Variants in MLXIP observed in about 807,000 individuals in gnomAD.
MLXIP encodes MLX-interacting protein.
MLXIP carries 30 observed loss-of-function variants against 87.2 expected under a neutral mutation model. The observed-to-expected ratio is 0.34, with a 90% CI of 0.26 to 0.47. The LOEUF (loss-of-function observed/expected upper bound fraction) is 0.47, where lower values mean the gene tolerates loss of function less well. MLXIP is among the 20% of genes least tolerant of loss of function. The probability of loss-of-function intolerance (pLI) is 1.00; values close to 1 mark genes in which losing one functional copy is unlikely to be tolerated. For synonymous variants in MLXIP, 530 were observed against 514.0 expected, an observed-to-expected ratio of 1.03 and a Z score of -0.42; for missense variants, 1,002 against 1,240.1, an observed-to-expected ratio of 0.81 and a Z score of 2.88.
In MLXIP at chr12:122,078,781, C is replaced by T. The variant is rs1363007493; in HGVS notation, c.-73C>T. On this transcript the variant is annotated 5_prime_UTR_variant, in exon 1 of 17. Transcript: ENST00000319080. ...AGTCGGCGCGCGGGCCGGGCCGGGC[C>T]GGCGCCCCTCTGCCTCGCGCGCTTG... 4.9e-6 allele frequency: 5 copies of T among 1,020,758 alleles called. No homozygotes were observed. In the African/African-American group the frequency reaches 5.2e-5, roughly 11 times the overall value. 63.2% of individuals were successfully genotyped at this position (1,020,758 alleles called of 1,614,324 possible).
At position 122,144,389 on chromosome 12, in the gene MLXIP, C is replaced by G. The variant is rs1019346144; in HGVS notation, c.*2577C>G. The G allele has an allele frequency of 6.7e-6, 1 of 148,764 alleles. No individual in the cohort carries two copies. Among genetic ancestry groups the G allele is most frequent in the African/African-American group, 2.5e-5 (1 of 39,956 alleles). 9.2% of individuals were successfully genotyped at this position (148,764 alleles called of 1,614,324 possible). The stretch of plus-strand genomic sequence containing the variant: ...TTGAGCTCAGGAGTTGGAGACCAAC[C>G]CTGGCAACATAACAAGACCCTGTCT... On this transcript the variant is annotated 3_prime_UTR_variant, in exon 17 of 17. Coordinates refer to ENST00000319080, the MANE Select transcript of MLXIP (RefSeq NM_014938.6).
chr12:122,135,500 CCCGGAGTT>C lies in MLXIP; in HGVS notation c.1869_1876del (p.Glu624GlnfsTer102). The C allele has an allele frequency of 6.2e-7, 1 of 1,609,536 alleles. No individual in the cohort carries two copies. Among genetic ancestry groups the C allele is most frequent in the Non-Finnish European group, 8.5e-7 (1 of 1,178,430 alleles). ...CCATGTCACTGCAGGCTCCTGGGGT[CCCGGAGTT>C]CCACAGCAGCATCCTGGTGACAGAT... On this transcript the variant is annotated frameshift_variant, in exon 11 of 17. Coordinates refer to ENST00000319080, the MANE Select transcript of MLXIP (RefSeq NM_014938.6). LOFTEE classifies it high-confidence loss of function. The surrounding 1 kb of genome is among the most constrained non-coding windows in gnomAD (Gnocchi z 5.3).
At chr12:122,082,364 A>G (rs968205461) in intron 1 of MLXIP, among the ~76,000 whole-genome samples, 4 of 152,214 alleles carry the variant, frequency 2.6e-5, no homozygotes, top group African/African-American at 9.6e-5. Flanking sequence ...AATGATGGAA[A>G]AAATCCTTAT....
At chr12:122,079,441 C>G (rs1952060067) in intron 1 of MLXIP, among the ~76,000 whole-genome samples, 175 bp downstream of exon 1, 1 of 152,208 alleles carries the variant, frequency 6.6e-6, no homozygotes, top group Non-Finnish European at 1.5e-5. Flanking sequence ...GAGCCGGGGT[C>G]CTGGCCTCTT....
chr12:122,137,211 A>G lies in MLXIP; in HGVS notation c.2033-258A>G. 1 of 324,832 alleles carries G rather than the reference A, an allele frequency of 3.1e-6. No individual in the cohort carries two copies. Among genetic ancestry groups the G allele is most frequent in the African/African-American group, 2.1e-5 (1 of 47,164 alleles). The allele number at this position is 324,832 out of a possible 1,614,324, so 20.1% of individuals were successfully genotyped here. On this transcript the variant is annotated intron_variant, in intron 11 of 16. Coordinates refer to ENST00000319080, the MANE Select transcript of MLXIP (RefSeq NM_014938.6). The surrounding 1 kb of genome is among the most constrained non-coding windows in gnomAD (Gnocchi z 4.1). ...GCGAAATATCTCGTAAAGCGACACCAGTGACTGGAACACGTCACACAGGGT... is the reference window on the plus strand; with the variant it reads ...GCGAAATATCTCGTAAAGCGACACCGGTGACTGGAACACGTCACACAGGGT...
chr12:122,126,148 C>T (rs1271542052), intron 1 of MLXIP, among the ~76,000 whole-genome samples: 1 of 152,202 alleles, frequency 6.6e-6, no homozygotes. Flanking sequence ...AGAGATGGCT[C>T]CCGGCCTAGC....
At chr12:122,093,697 TGGGGTGTGTTGGTGTGG>T (rs1333200952) in intron 1 of MLXIP, among the ~76,000 whole-genome samples, 1,391 of 110,776 alleles carry the variant, frequency 0.013, 27 homozygotes, top group East Asian at 0.045. Context: ...TGTTGGTGTG[TGGGGTGTGTTGGTGTGG>T]GGGGTGTGTT....
At chr12:122,097,823 CTT>C (rs985826329) in intron 1 of MLXIP, among the ~76,000 whole-genome samples, 2 of 148,246 alleles carry the variant, frequency 1.3e-5, no homozygotes, top group Non-Finnish European at 3.0e-5. Flanking sequence ...CTCTGTTTCC[CTT>C]TAGTTTTGGA....
intron 1 of MLXIP, among the ~76,000 whole-genome samples, chr12:122,103,247 C>T (rs1952466473): frequency 6.6e-6 from 1 of 151,420 alleles, no homozygotes; most frequent in South Asian, 2.1e-4. Flanking sequence ...ATTTTTGAGG[C>T]AGAGTTTCAC....
chr12:122,079,265 A>T lies in MLXIP; in HGVS notation c.412A>T (p.Ser138Cys), dbSNP rs1261062106. ...CTTCGAGTGCATGACTTTGGCCTAC[A>T]GGTAGGGACCCCCGCGACCCCCTGA... ...KLFECMTLAY[S>C]GKLVSPKWKN... Residue 138 changes from serine (S) to cysteine (C), a missense_variant and splice_region_variant, in exon 1 of 17, where the codon AGT becomes TGT. By Grantham distance (112) the Ser-to-Cys change is moderately radical. Coordinates refer to ENST00000319080, the MANE Select transcript of MLXIP (RefSeq NM_014938.6). The T allele has an allele frequency of 6.5e-7, 1 of 1,549,464 alleles. No individual in the cohort carries two copies.
rs35318582 is a variant in MLXIP at position 122,115,588 on chromosome 12, C to CAAAAAA, written c.414-11656_414-11651dup. On this transcript the variant is annotated intron_variant, in intron 1 of 16. Transcript: ENST00000319080. ...GGGCAACAAGAGCGAAACTCCTTCT[C>CAAAAAA]AAAAAAAAAAAAAAAAAGACCAGTA... Among the ~76,000 whole-genome samples the CAAAAAA allele has an allele frequency of 6.3e-5, 7 of 110,698 alleles. 2 individuals are homozygous for CAAAAAA. The highest frequency in any genetic ancestry group is 1.3e-4 in the African/African-American group (3 of 23,854). 72.6% of individuals were successfully genotyped at this position (110,698 alleles called of 152,430 possible).
intron 1 of MLXIP, among the ~76,000 whole-genome samples, chr12:122,120,032 C>T (rs570316803): frequency 3.9e-5 from 6 of 152,354 alleles, no homozygotes; most frequent in East Asian, 1.9e-4. Context: ...CAGCGCTATT[C>T]GCTGTAGCCC....
intron 1 of MLXIP, among the ~76,000 whole-genome samples, chr12:122,079,858 T>C (rs114458363): frequency 0.026 from 3,927 of 152,300 alleles, 145 homozygotes; most frequent in African/African-American, 0.089. Context: ...TACAACCTCA[T>C]CGGGAGGCCC....
intron 5 of MLXIP, 21 bp from the exon 6 acceptor site, chr12:122,129,920 C>A: frequency 6.3e-7 from 1 of 1,597,376 alleles, no homozygotes; most frequent in Non-Finnish European, 8.6e-7. Flanking sequence ...TGCTTCCTCC[C>A]CTGTGTTGGT....
chr12:122,108,605 G>A (rs1952558278), intron 1 of MLXIP, among the ~76,000 whole-genome samples: 1 of 151,942 alleles, frequency 6.6e-6, no homozygotes, highest in Admixed American at 6.6e-5. Flanking sequence ...ATGCACGCTG[G>A]CCCCCAAAGA....
Position 122,143,212 on chromosome 12 carries a change from G to A in MLXIP, c.*1400G>A, listed in dbSNP as rs1054312956. 2 of 152,400 alleles carry A rather than the reference G, an allele frequency of 1.3e-5. No homozygotes were observed. Among genetic ancestry groups the A allele is most frequent in the African/African-American group, 4.8e-5 (2 of 41,470 alleles). The allele number at this position is 152,400 out of a possible 1,614,324, so 9.4% of individuals were successfully genotyped here. Reference sequence around the variant, plus strand: ...CCTCTCTTCCTGCAGGGCCTGGGAAGGGCTTTGAGGGAGCCTGGGAGCCAT... The same window carrying A: ...CCTCTCTTCCTGCAGGGCCTGGGAAAGGCTTTGAGGGAGCCTGGGAGCCAT... On this transcript the variant is annotated 3_prime_UTR_variant, in exon 17 of 17. Transcript: ENST00000319080.
intron 1 of MLXIP, among the ~76,000 whole-genome samples, chr12:122,094,330 T>C (rs1952309121): frequency 1.5e-5 from 2 of 137,788 alleles, no homozygotes; most frequent in African/African-American, 5.5e-5. Context: ...TTGGTGTGTG[T>C]GTGGTGTGTA....
intron 1 of MLXIP, among the ~76,000 whole-genome samples, chr12:122,126,695 A>C (rs571739629): frequency 6.6e-6 from 1 of 152,190 alleles, no homozygotes; most frequent in African/African-American, 2.4e-5. Context: ...TTAGTTATGG[A>C]AAATTTGTAG....
chr12:122,121,358 C>T (rs1390906244), intron 1 of MLXIP, among the ~76,000 whole-genome samples: 1 of 147,194 alleles, frequency 6.8e-6, no homozygotes, highest in Non-Finnish European at 1.5e-5. Context: ...CTCTGCTGCC[C>T]AGGCTGGAGT....
Sources: gnomAD v4.1 joint callset for allele counts (sites outside exome capture counted in the v4.1 genomes callset) on GRCh38, gnomAD v4.1.1 for gene constraint, Gnocchi (gnomAD v3.1) non-coding constraint, MANE v1.5 for transcripts, NCBI Gene and HGNC (gene_info 2026-07-23, HGNC 2026-07-21) for gene names.